EPB41L4A: variants seen among roughly 807,000 people sequenced by gnomAD.
EPB41L4A encodes the protein band 4.1-like protein 4A.
EPB41L4A carries 100 observed loss-of-function variants against 108.6 expected under a neutral mutation model. That is an observed-to-expected ratio of 0.92 (90% CI 0.78 to 1.09). The LOEUF is 1.09. Ranked by LOEUF, EPB41L4A falls within the 50% of genes least tolerant of loss-of-function variation. The probability of loss-of-function intolerance (pLI) is 0.00; values close to 1 mark genes in which losing one functional copy is unlikely to be tolerated. For missense variants in EPB41L4A, 1,030 were observed against 842.7 expected (o/e 1.22, Z -2.75); for synonymous variants, 319 against 289.0 (o/e 1.10, Z -1.05).
intron 4 of EPB41L4A, among the ~76,000 whole-genome samples, chr5:112,268,013 T>C (rs1751984322): frequency 6.6e-6 from 1 of 152,232 alleles, no homozygotes; most frequent in Non-Finnish European, 1.5e-5. Flanking sequence ...ATCCACTTGA[T>C]AATGATCATC....
At chr5:112,264,170 T>C (rs1052940072) in intron 6 of EPB41L4A, 30 of 152,280 alleles carry the variant, frequency 2.0e-4, no homozygotes, top group African/African-American at 6.3e-4. Context: ...AGAGGAAGTG[T>C]TACATAACAG....
At chr5:112,242,916 T>C (rs2150387602) in intron 9 of EPB41L4A, among the ~76,000 whole-genome samples, 1 of 152,220 alleles carries the variant, frequency 6.6e-6, no homozygotes, top group East Asian at 1.9e-4. Flanking sequence ...TTGGGCTTAA[T>C]ATATTCACTA....
At chr5:112,303,260 G>A (rs188659624) in intron 2 of EPB41L4A, among the ~76,000 whole-genome samples, 39 of 152,254 alleles carry the variant, frequency 2.6e-4, no homozygotes, top group Non-Finnish European at 4.1e-4. Flanking sequence ...CACTACTGAC[G>A]GCAGAGAGGA....
intron 1 of EPB41L4A, among the ~76,000 whole-genome samples, chr5:112,392,323 G>C (rs1299648724): frequency 1.4e-5 from 2 of 143,066 alleles, no homozygotes; most frequent in Non-Finnish European, 3.0e-5. Context: ...CTGTATTCAG[G>C]AGACACATCT....
chr5:112,261,379 A>C (rs1174130912), intron 7 of EPB41L4A, among the ~76,000 whole-genome samples: 1 of 152,208 alleles, frequency 6.6e-6, no homozygotes. Context: ...GTTCTTTAAA[A>C]ACTGAGTTCC....
intron 1 of EPB41L4A, among the ~76,000 whole-genome samples, chr5:112,314,675 G>T (rs1755314195): frequency 6.6e-6 from 1 of 151,992 alleles, no homozygotes; most frequent in Non-Finnish European, 1.5e-5. Flanking sequence ...GGGCATAGTG[G>T]CACGCGCCTG....
chr5:112,261,080 A>G (rs899340267), intron 7 of EPB41L4A, among the ~76,000 whole-genome samples: 3 of 152,240 alleles, frequency 2.0e-5, no homozygotes, highest in Admixed American at 2.0e-4. Context: ...AACAAGATTA[A>G]TGTGGCTAAA....
At chr5:112,382,001 A>C (rs1053286321) in intron 1 of EPB41L4A, among the ~76,000 whole-genome samples, 4 of 152,228 alleles carry the variant, frequency 2.6e-5, no homozygotes, top group Non-Finnish European at 5.9e-5. Context: ...ATAAAGTAGG[A>C]TTTCTTCCAG....
intron 1 of EPB41L4A, among the ~76,000 whole-genome samples, chr5:112,310,183 C>T (rs1176842060): frequency 6.6e-6 from 1 of 152,156 alleles, no homozygotes; most frequent in Non-Finnish European, 1.5e-5. Flanking sequence ...ATAATACAGG[C>T]TGGTTCTTAG....
intron 1 of EPB41L4A, among the ~76,000 whole-genome samples, chr5:112,413,364 T>C (rs1447675289): frequency 1.3e-5 from 2 of 152,228 alleles, no homozygotes; most frequent in African/African-American, 4.8e-5. Flanking sequence ...ACAGTGGGAT[T>C]CACTTTATTC....
At position 112,355,458 on chromosome 5, in the gene EPB41L4A, G is replaced by A. The variant is rs113135663; in HGVS notation, c.100-47968C>T. ...ACAAACATGTTTCACACTTCAAAAT[G>A]AGGTTTCACAGGCTTCTGGAGCGCT... On this transcript the variant is annotated intron_variant, in intron 1 of 22. Transcript: ENST00000261486. Among the ~76,000 whole-genome samples, 215 of 152,216 alleles carry A rather than the reference G, an allele frequency of 1.4e-3. 2 individuals carry two copies. The highest frequency in any genetic ancestry group is 5.1e-3 in the African/African-American group (210 of 41,526).
At chr5:112,312,925 T>C (rs1241549591) in intron 1 of EPB41L4A, among the ~76,000 whole-genome samples, 2 of 152,128 alleles carry the variant, frequency 1.3e-5, no homozygotes, top group African/African-American at 2.4e-5. Flanking sequence ...AGAACTGACA[T>C]AGAACCAAAG....
At chr5:112,364,059 G>A (rs1032330699) in intron 1 of EPB41L4A, among the ~76,000 whole-genome samples, 2 of 152,006 alleles carry the variant, frequency 1.3e-5, no homozygotes, top group Non-Finnish European at 2.9e-5. Flanking sequence ...ACGGAGTCTC[G>A]CTCTGTTGCC....
chr5:112,184,695 C>T (rs1312998117), intron 17 of EPB41L4A, among the ~76,000 whole-genome samples: 2 of 152,100 alleles, frequency 1.3e-5, no homozygotes, highest in Non-Finnish European at 2.9e-5. Flanking sequence ...ATCATGGCTG[C>T]TCACATGTTT....
chr5:112,195,558 A>G (rs1761923762), intron 16 of EPB41L4A, 103 bp downstream of exon 16: 2 of 995,774 alleles, frequency 2.0e-6, no homozygotes, highest in Non-Finnish European at 3.0e-6. Flanking sequence ...AAAGTAAAAA[A>G]AATAAAAAAA....
At position 112,260,457 on chromosome 5, in the gene EPB41L4A, G is replaced by T. The variant is rs561286635; in HGVS notation, c.643-478C>A. 2.0e-5 allele frequency among the ~76,000 whole-genome samples: 3 copies of T among 152,346 alleles called. No homozygotes were observed. The South Asian group carries it at 6.2e-4, about 32-fold the overall frequency. ...ACTGAGAACCACTGGCATCTATCAA[G>T]GGTGCTTTTGAATGGCTTGATTTAT... On this transcript the variant is annotated intron_variant, in intron 7 of 22. Transcript: ENST00000261486.
chr5:112,313,992 T>C (rs1018793633), intron 1 of EPB41L4A, among the ~76,000 whole-genome samples: 4 of 150,366 alleles, frequency 2.7e-5, no homozygotes, highest in African/African-American at 9.8e-5. Flanking sequence ...GCCTCCGAAG[T>C]AGCTGGGACT....
chr5:112,234,248 G>C (rs2150365933), intron 12 of EPB41L4A, among the ~76,000 whole-genome samples: 1 of 150,892 alleles, frequency 6.6e-6, no homozygotes, highest in Admixed American at 6.6e-5. Context: ...AAAATAACCA[G>C]GCATGGTAGT....
At chr5:112,282,058 A>G (rs1752997845) in intron 2 of EPB41L4A, among the ~76,000 whole-genome samples, 1 of 152,210 alleles carries the variant, frequency 6.6e-6, no homozygotes, top group African/African-American at 2.4e-5. Context: ...TTATTTTTCA[A>G]AGGTCTAGAA....
Sources: allele counts gnomAD v4.1 joint callset (sites outside exome capture counted in the v4.1 genomes callset), GRCh38; gene constraint gnomAD v4.1.1; transcripts MANE v1.5; gene names NCBI Gene and HGNC (gene_info 2026-07-23, HGNC 2026-07-21).